Variants in IQCH observed in about 807,000 individuals in gnomAD.
IQCH encodes IQ motif containing H.
IQCH carries 98 observed loss-of-function variants against 117.0 expected under a neutral mutation model. The observed-to-expected ratio is 0.84, with a 90% confidence interval of 0.71 to 0.99. IQCH has a LOEUF of 0.99. IQCH is among the 50% of genes least tolerant of loss of function. The probability of loss-of-function intolerance (pLI) is 0.00; values close to 1 mark genes in which losing one functional copy is unlikely to be tolerated. For synonymous variants in IQCH, 412 were observed against 448.2 expected, an observed-to-expected ratio of 0.92 and a Z score of 1.02; for missense variants, 1,102 against 1,243.8, an observed-to-expected ratio of 0.89 and a Z score of 1.72.
intron 3 of IQCH, among the ~76,000 whole-genome samples, chr15:67,268,624 TAGTG>T (rs957271366): frequency 1.2e-4 from 18 of 152,240 alleles, no homozygotes; most frequent in East Asian, 7.7e-4. Flanking sequence ...AAGCAAGTAA[TAGTG>T]AGAAAAAGTG....
chr15:67,319,915 A>G (rs1484108482), intron 4 of IQCH, among the ~76,000 whole-genome samples: 1 of 152,268 alleles, frequency 6.6e-6, no homozygotes, highest in Non-Finnish European at 1.5e-5. Flanking sequence ...TCGAATGAAT[A>G]TTCCTTAAAA....
rs969835862 is a variant in IQCH at position 67,406,581 on chromosome 15, T to G, written c.2097+6276T>G. 1 of 152,186 alleles carries G rather than the reference T, an allele frequency of 6.6e-6. No homozygotes were observed. The highest frequency in any genetic ancestry group is 1.5e-5 in the Non-Finnish European group (1 of 68,032). The allele number at this position is 152,186 out of a possible 1,614,324, so 9.4% of individuals were successfully genotyped here. A position where few individuals can be genotyped will look rare whatever the true frequency, so the allele number is the denominator to read the frequency against. ...AAGCAACCAAATATTTTGTTTTTGTTTTAATTTTTTTAGTCTCCTATTCCA... is the reference window on the plus strand; with the variant it reads ...AAGCAACCAAATATTTTGTTTTTGTGTTAATTTTTTTAGTCTCCTATTCCA... On this transcript the variant is annotated intron_variant, in intron 14 of 20. Transcript: ENST00000335894. This position sits in a 1 kb window ranked among gnomAD's most constrained non-coding sequence, Gnocchi z 4.5.
Position 67,261,326 on chromosome 15 carries a change from GA to G in IQCH, c.111del (p.Gly38GlufsTer4). 1.9e-6 allele frequency: 3 copies of G among 1,586,068 alleles called. No homozygotes were observed. Among genetic ancestry groups the G allele is most frequent in the Admixed American group, 1.9e-5 (1 of 52,792 alleles). On this transcript the variant is annotated frameshift_variant, in exon 2 of 21. Transcript: ENST00000335894. LOFTEE classifies it high-confidence loss of function. ...KEKLTKFSPE[E>X]KGETLDIQSL... Reference sequence around the variant, plus strand: ...GAAATTAACAAAATTCTCACCTGAGGAAAAAGGAGAGACTCTAGACATTCAG... The same window carrying G: ...GAAATTAACAAAATTCTCACCTGAGGAAAAGGAGAGACTCTAGACATTCAG...
intron 16 of IQCH, among the ~76,000 whole-genome samples, chr15:67,460,827 C>A (rs192162686): frequency 1.9e-4 from 29 of 152,308 alleles, no homozygotes; most frequent in African/African-American, 7.0e-4. Flanking sequence ...TTTTAAGGGT[C>A]TTTCCAGCCC....
intron 8 of IQCH, among the ~76,000 whole-genome samples, chr15:67,362,183 A>G (rs779759450): frequency 6.6e-6 from 1 of 151,792 alleles, no homozygotes; most frequent in Non-Finnish European, 1.5e-5. Context: ...ACACACGTAT[A>G]TTTACAGCAA....
chr15:67,373,582 G>C, intron 10 of IQCH, 149 bp downstream of exon 10: 1 of 692,956 alleles, frequency 1.4e-6, no homozygotes, highest in Non-Finnish European at 2.6e-6. Context: ...AATAACACAG[G>C]ACCCTCGCTT....
intron 16 of IQCH, among the ~76,000 whole-genome samples, chr15:67,452,254 C>T (rs1168912771): frequency 6.6e-6 from 1 of 152,146 alleles, no homozygotes. Flanking sequence ...GGTGTGAATT[C>T]AATCCTGTCA....
intron 6 of IQCH, among the ~76,000 whole-genome samples, chr15:67,355,640 C>A (rs1259749158): frequency 1.3e-5 from 2 of 151,938 alleles, no homozygotes; most frequent in African/African-American, 2.4e-5. Flanking sequence ...ACAAGTTTGT[C>A]CAGAAAGACA....
chr15:67,416,137 C>T lies in IQCH; in HGVS notation c.2098-794C>T, dbSNP rs886398166. ...GTGGCTCACACCTGTAATCCCAACA[C>T]TTTGGGAGGCCAAGGCGGGTGGATC... is the stretch of plus-strand genomic sequence containing the variant. On this transcript the variant is annotated intron_variant, in intron 14 of 20. Transcript: ENST00000335894. This position sits in a 1 kb window ranked among gnomAD's most constrained non-coding sequence, Gnocchi z 5.1. Among the ~76,000 whole-genome samples, 2 of 152,170 alleles carry T rather than the reference C, an allele frequency of 1.3e-5. No homozygotes were observed. Among genetic ancestry groups the T allele is most frequent in the Non-Finnish European group, 2.9e-5 (2 of 68,022 alleles).
At chr15:67,325,992 G>A (rs1240479701) in intron 4 of IQCH, among the ~76,000 whole-genome samples, 1 of 152,040 alleles carries the variant, frequency 6.6e-6, no homozygotes, top group Non-Finnish European at 1.5e-5. Flanking sequence ...TACACTTTAA[G>A]TTCTAGGGTA....
chr15:67,488,831 G>A (rs1249642552), intron 18 of IQCH, among the ~76,000 whole-genome samples: 2 of 152,052 alleles, frequency 1.3e-5, no homozygotes, highest in African/African-American at 2.4e-5. Flanking sequence ...GACAGGAGAC[G>A]GAGCTCTGGT....
chr15:67,377,716 A>C (rs1970786275), intron 10 of IQCH, among the ~76,000 whole-genome samples: 1 of 152,156 alleles, frequency 6.6e-6, no homozygotes, highest in Non-Finnish European at 1.5e-5. Flanking sequence ...CCAGCCAATT[A>C]AACCCCCAGG....
chr15:67,329,245 G>C (rs949872124), intron 4 of IQCH, among the ~76,000 whole-genome samples: 3 of 151,022 alleles, frequency 2.0e-5, no homozygotes, highest in African/African-American at 7.3e-5. Context: ...GCTGTAGTGA[G>C]CTGTGATTAC....
rs74020145 is a variant in IQCH, at chr15:67,356,577, G to T, written c.638-768G>T. ...GTTGTTATAGAAAACTAACAGAAAA[G>T]GGGGTTGAGCTGAAGGAATTGAGCT... On this transcript the variant is annotated intron_variant, in intron 6 of 20. Transcript: ENST00000335894. The surrounding 1 kb of genome is among the most constrained non-coding windows in gnomAD (Gnocchi z 5.3). Among the ~76,000 whole-genome samples the T allele has an allele frequency of 0.011, 1,744 of 152,274 alleles. 36 individuals are homozygous for T. The highest frequency in any genetic ancestry group is 0.04 in the African/African-American group (1,658 of 41,524).
intron 4 of IQCH, among the ~76,000 whole-genome samples, chr15:67,330,474 G>A (rs1968616150): frequency 6.6e-6 from 1 of 152,026 alleles, no homozygotes; most frequent in African/African-American, 2.4e-5. Flanking sequence ...GCCTCCCCAG[G>A]GAATTTTCTT....
intron 10 of IQCH, among the ~76,000 whole-genome samples, chr15:67,380,717 C>T (rs1317514084): frequency 6.6e-6 from 1 of 152,188 alleles, no homozygotes; most frequent in Admixed American, 6.5e-5. Context: ...ACCTTTCTTC[C>T]AGTGTGCTCT....
intron 3 of IQCH, among the ~76,000 whole-genome samples, chr15:67,268,627 T>G (rs1011208677): frequency 5.3e-5 from 8 of 152,090 alleles, no homozygotes; most frequent in Admixed American, 3.3e-4. Context: ...CAAGTAATAG[T>G]GAGAAAAAGT....
chr15:67,364,461 G>A lies in IQCH; in HGVS notation c.753+4576G>A, dbSNP rs1225631550. 6.6e-6 allele frequency among the ~76,000 whole-genome samples: 1 copy of A among 151,360 alleles called. No homozygotes were observed. Among genetic ancestry groups the A allele is most frequent in the African/African-American group, 2.4e-5 (1 of 41,146 alleles). ...TGGAACAATTTTTCTTGTAATTACC[G>A]AGAAAAACTACAAGGACTGTTTTTA... On this transcript the variant is annotated intron_variant, in intron 8 of 20. Coordinates refer to ENST00000335894, the MANE Select transcript of IQCH (RefSeq NM_001031715.3). The surrounding 1 kb of genome is among the most constrained non-coding windows in gnomAD (Gnocchi z 4.1).
At position 67,445,917 on chromosome 15, in the gene IQCH, A is replaced by G. The variant is rs1217367012; in HGVS notation, c.2506-19210A>G. 3.3e-5 allele frequency among the ~76,000 whole-genome samples: 5 copies of G among 152,204 alleles called. No homozygotes were observed. Among genetic ancestry groups the G allele is most frequent in the African/African-American group, 1.2e-4 (5 of 41,460 alleles). ...ATAAAGAAGAACATGGAGTTTCCCTATCATTGGCAGTTACCACCAAGGAGG... is the reference window on the plus strand; with the variant it reads ...ATAAAGAAGAACATGGAGTTTCCCTGTCATTGGCAGTTACCACCAAGGAGG... On this transcript the variant is annotated intron_variant, in intron 16 of 20. Coordinates refer to ENST00000335894, the MANE Select transcript of IQCH (RefSeq NM_001031715.3). This position sits in a 1 kb window ranked among gnomAD's most constrained non-coding sequence, Gnocchi z 4.3.
Sources: allele counts gnomAD v4.1 joint callset (sites outside exome capture counted in the v4.1 genomes callset), GRCh38; gene constraint gnomAD v4.1.1; non-coding constraint Gnocchi (gnomAD v3.1); transcripts MANE v1.5; gene names NCBI Gene and HGNC (gene_info 2026-07-23, HGNC 2026-07-21).